TMEM255B: variants seen among roughly 807,000 people sequenced by gnomAD.
The protein encoded by TMEM255B is transmembrane protein 255B, also known as family with sequence similarity 70, member B.
Under a neutral mutation model 34.5 loss-of-function variants are expected in TMEM255B, and 35 were observed. That is an observed-to-expected ratio of 1.01 (90% CI 0.77 to 1.34). The LOEUF (loss-of-function observed/expected upper bound fraction) is 1.34. Ranked by LOEUF, TMEM255B falls within the 40% of genes most tolerant of loss-of-function variation. The probability of loss-of-function intolerance (pLI) is 0.00; values close to 1 mark genes in which losing one functional copy is unlikely to be tolerated. For missense variants in TMEM255B, 432 were observed against 433.2 expected, an observed-to-expected ratio of 1.00 and a Z score of 0.02; for synonymous variants, 206 against 201.2, an observed-to-expected ratio of 1.02 and a Z score of -0.20.
chr13:113,811,605 T>G (rs2051309511), intron 8 of TMEM255B, 131 bp from the exon 9 acceptor site: 1 of 989,662 alleles, frequency 1.0e-6, no homozygotes, highest in African/African-American at 2.0e-5. Flanking sequence ...TGGCCCTGAG[T>G]CTGCGGGTGG....
At position 113,813,005 on chromosome 13, in the gene TMEM255B, AGTGGGTCACG is replaced by A. The variant is rs2051356974; in HGVS notation, c.*1104_*1113del. ...GGTCCCGGGTGGGTCACGGGTCCCG[AGTGGGTCACG>A]GGTCCCGGGTGGGTCACAGGCGCCC... On this transcript the variant is annotated 3_prime_UTR_variant, in exon 9 of 9. Transcript: ENST00000375353. The A allele has an allele frequency of 9.6e-6, 1 of 104,064 alleles. No individual in the cohort carries two copies. The highest frequency in any genetic ancestry group is 5.1e-5 in the African/African-American group (1 of 19,768). The allele number at this position is 104,064 out of a possible 1,614,324, so 6.4% of individuals were successfully genotyped here. A position where few individuals can be genotyped will look rare whatever the true frequency, so the allele number is the denominator to read the frequency against.
At chr13:113,795,863 AAGAGTACACAGCACACAACAC>A (rs2050918632) in intron 4 of TMEM255B, among the ~76,000 whole-genome samples, 1 of 131,822 alleles carries the variant, frequency 7.6e-6, no homozygotes, top group Non-Finnish European at 1.6e-5. Context: ...CACACACCAT[AAGAGTACACAGCACACAACAC>A]ACAGAGCACA....
At chr13:113,765,477 C>T (rs577752112) in intron 1 of TMEM255B, among the ~76,000 whole-genome samples, 6 of 152,270 alleles carry the variant, frequency 3.9e-5, no homozygotes, top group Middle Eastern at 3.4e-3. Flanking sequence ...CCTGCACACA[C>T]GCACTTACAC....
chr13:113,805,844 T>G (rs534235098), intron 8 of TMEM255B, among the ~76,000 whole-genome samples: 2 of 152,058 alleles, frequency 1.3e-5, no homozygotes, highest in Non-Finnish European at 2.9e-5. Context: ...GTGGGCTTCC[T>G]TTCTGGGTGG....
rs1446591575 is a variant in TMEM255B at position 113,806,147 on chromosome 13, T to C, written c.813+1119T>C. ...ATCCGGGGGAGGCCTGTGCACACTC[T>C]GCCCTCACGTCCAGGACAGAGAGGG... On this transcript the variant is annotated intron_variant, in intron 8 of 8. Coordinates refer to ENST00000375353, the MANE Select transcript of TMEM255B (RefSeq NM_182614.4). The surrounding 1 kb of genome is among the most constrained non-coding windows in gnomAD (Gnocchi z 4.2). Among the ~76,000 whole-genome samples, 1 of 152,168 alleles carries C rather than the reference T, an allele frequency of 6.6e-6. No homozygotes were observed. The highest frequency in any genetic ancestry group is 1.9e-4 in the East Asian group (1 of 5,192).
chr13:113,761,536 T>G (rs898330973), intron 1 of TMEM255B, among the ~76,000 whole-genome samples: 2 of 152,114 alleles, frequency 1.3e-5, no homozygotes, highest in African/African-American at 4.8e-5. Flanking sequence ...ATCAGCGCAC[T>G]TGATAGCAGA....
chr13:113,805,692 G>A (rs1342742748), intron 8 of TMEM255B, among the ~76,000 whole-genome samples: 1 of 152,252 alleles, frequency 6.6e-6, no homozygotes, highest in Non-Finnish European at 1.5e-5. Context: ...TGCTGAGGGT[G>A]CTGGTGGGCC....
At chr13:113,782,028 T>C (rs975483870) in intron 3 of TMEM255B, among the ~76,000 whole-genome samples, 1 of 152,240 alleles carries the variant, frequency 6.6e-6, no homozygotes, top group African/African-American at 2.4e-5. Context: ...GAACAATTTT[T>C]AAGTCAAAGA....
chr13:113,770,445 G>A lies in TMEM255B; in HGVS notation c.252+1285G>A, dbSNP rs959976619. Among the ~76,000 whole-genome samples, 2 of 152,192 alleles carry A rather than the reference G, an allele frequency of 1.3e-5. No individual in the cohort carries two copies. The highest frequency in any genetic ancestry group is 2.4e-5 in the African/African-American group (1 of 41,448). The stretch of plus-strand genomic sequence containing the variant: ...GCATGGGACCCAGCAAACTCCCACT[G>A]CTGCCCAGGAGACTGACCCTTGGGC... On this transcript the variant is annotated intron_variant, in intron 3 of 8. Coordinates refer to ENST00000375353, the MANE Select transcript of TMEM255B (RefSeq NM_182614.4). This position sits in a 1 kb window ranked among gnomAD's most constrained non-coding sequence, Gnocchi z 4.6.
chr13:113,798,942 T>G (rs1377384492), intron 4 of TMEM255B, among the ~76,000 whole-genome samples: 1 of 152,216 alleles, frequency 6.6e-6, no homozygotes, highest in Non-Finnish European at 1.5e-5. Context: ...TGGTCTGAAA[T>G]CCTTCTTGCT....
Position 113,769,073 on chromosome 13 carries a change from T to C in TMEM255B, c.190-25T>C, listed in dbSNP as rs2050437001. On this transcript the variant is annotated intron_variant, in intron 2 of 8. Transcript: ENST00000375353. The surrounding 1 kb of genome is among the most constrained non-coding windows in gnomAD (Gnocchi z 4.2). Reference sequence around the variant, plus strand: ...TTCTAGGCACGTTAATGAGTGTTTCTCTCTCGTTCTTCCTTTGGTTTTAGC... The same window carrying C: ...TTCTAGGCACGTTAATGAGTGTTTCCCTCTCGTTCTTCCTTTGGTTTTAGC... 6.2e-7 allele frequency: 1 copy of C among 1,613,594 alleles called. No homozygotes were observed. Among genetic ancestry groups the C allele is most frequent in the South Asian group, 1.1e-5 (1 of 91,072 alleles).
Position 113,766,104 on chromosome 13 carries a change from C to T in TMEM255B, c.47-11C>T. 2 of 1,613,962 alleles carry T rather than the reference C, an allele frequency of 1.2e-6. No homozygotes were observed. Among genetic ancestry groups the T allele is most frequent in the Non-Finnish European group, 1.7e-6 (2 of 1,180,000 alleles). ...GCCCTCACTGACAGGTCCTCGCCTTCCTCCCCACAGAAGGGCTTTCGAGGA... is the reference window on the plus strand; with the variant it reads ...GCCCTCACTGACAGGTCCTCGCCTTTCTCCCCACAGAAGGGCTTTCGAGGA... On this transcript the variant is annotated splice_polypyrimidine_tract_variant and intron_variant, in intron 1 of 8. Transcript: ENST00000375353.
chr13:113,811,620 G>A, intron 8 of TMEM255B, 116 bp from the exon 9 acceptor site: 2 of 1,265,348 alleles, frequency 1.6e-6, no homozygotes, highest in Admixed American at 2.2e-5. Flanking sequence ...GGGTGGCCCT[G>A]GGTTGGCGGG....
Position 113,795,168 on chromosome 13 carries a change from T to C in TMEM255B, c.273T>C (p.Phe91=), listed in dbSNP as rs1414192965. Residue 91 remains phenylalanine (F), a synonymous_variant, in exon 4 of 9, where the codon TTT becomes TTC. Coordinates refer to ENST00000375353, the MANE Select transcript of TMEM255B (RefSeq NM_182614.4). ...RRQMLVAAIV[F]ISFGVVAAFC... ...TGCAGCTGGTGGCAGCGATCGTGTT[T>C]ATCAGTTTTGGCGTGGTGGCCGCCT... 3 of 1,614,000 alleles carry C rather than the reference T, an allele frequency of 1.9e-6. No homozygotes were observed. Among genetic ancestry groups the C allele is most frequent in the Admixed American group, 3.3e-5 (2 of 60,026 alleles).
chr13:113,777,612 C>T (rs577590301), intron 3 of TMEM255B, among the ~76,000 whole-genome samples: 2 of 152,232 alleles, frequency 1.3e-5, no homozygotes, highest in Non-Finnish European at 2.9e-5. Flanking sequence ...CGTGCTTCAG[C>T]ACCTAGAACA....
chr13:113,811,142 T>C (rs998483677), intron 8 of TMEM255B, among the ~76,000 whole-genome samples: 5 of 137,394 alleles, frequency 3.6e-5, no homozygotes, highest in African/African-American at 1.4e-4. Flanking sequence ...GCCCTGGGTC[T>C]GTGGGGTGGG....
At position 113,804,453 on chromosome 13, in the gene TMEM255B, C is replaced by A. The variant is rs7337771; in HGVS notation, c.670-432C>A. 9.5e-4 allele frequency among the ~76,000 whole-genome samples: 145 copies of A among 152,116 alleles called. 3 individuals carry two copies. In the East Asian group the frequency reaches 0.017, roughly 18 times the overall value. ...GGAAACCAGTGCTTTTTTCTCCCCC[C>A]CCAAAAAATCAAAAAAGTAAAAGAG... On this transcript the variant is annotated intron_variant, in intron 7 of 8. Transcript: ENST00000375353.
At chr13:113,809,270 G>A in intron 8 of TMEM255B, among the ~76,000 whole-genome samples, 1 of 97,576 alleles carries the variant, frequency 1.0e-5, no homozygotes. Flanking sequence ...GGTTCCTGGG[G>A]GTTTAACTCT....
rs1056376564 is a variant in TMEM255B at position 113,803,542 on chromosome 13, G to A, written c.670-1343G>A. ...CTCCGCGTGTGACTCCGTGGCCCCC[G>A]TGTTCTCTGCTTTCTGTGCACTCGC... On this transcript the variant is annotated intron_variant, in intron 7 of 8. Transcript: ENST00000375353. Among the ~76,000 whole-genome samples, 18 of 147,886 alleles carry A rather than the reference G, an allele frequency of 1.2e-4. 3 individuals are homozygous for A. The highest frequency in any genetic ancestry group is 2.4e-4 in the Non-Finnish European group (16 of 65,954).
Sources: gnomAD v4.1 joint callset for allele counts (sites outside exome capture counted in the v4.1 genomes callset) on GRCh38, gnomAD v4.1.1 for gene constraint, Gnocchi (gnomAD v3.1) non-coding constraint, MANE v1.5 for transcripts, NCBI Gene and HGNC (gene_info 2026-07-23, HGNC 2026-07-21) for gene names.